CTBP2: variants seen among roughly 807,000 people sequenced by gnomAD.
CTBP2 encodes the protein C-terminal-binding protein 2.
Under a neutral mutation model 80.3 loss-of-function variants are expected in CTBP2, and 30 were observed. That is an observed-to-expected ratio of 0.37 (90% CI 0.28 to 0.51). The LOEUF (loss-of-function observed/expected upper bound fraction) is 0.51, where lower values mean the gene tolerates loss of function less well. Ranked by LOEUF, CTBP2 falls within the 20% of genes least tolerant of loss-of-function variation. The probability of loss-of-function intolerance (pLI) is 0.93; values close to 1 mark genes in which losing one functional copy is unlikely to be tolerated. For synonymous variants in CTBP2, 594 were observed against 587.4 expected (o/e 1.01, Z -0.16); for missense variants, 1,212 against 1,375.3 (o/e 0.88, Z 1.88).
At chr10:125,059,856 G>C (rs1230307739) in intron 2 of CTBP2, among the ~76,000 whole-genome samples, 1 of 152,118 alleles carries the variant, frequency 6.6e-6, no homozygotes, top group African/African-American at 2.4e-5. Flanking sequence ...GTCAGGAAGG[G>C]GCCTGTTTGG....
chr10:125,058,308 T>C (rs915612135), intron 2 of CTBP2, among the ~76,000 whole-genome samples: 1 of 152,098 alleles, frequency 6.6e-6, no homozygotes, highest in African/African-American at 2.4e-5. Flanking sequence ...CGTGATACGA[T>C]TGCACACACA....
At chr10:125,121,918 GT>G (rs1189909640) in intron 1 of CTBP2, among the ~76,000 whole-genome samples, 2 of 152,198 alleles carry the variant, frequency 1.3e-5, no homozygotes, top group African/African-American at 4.8e-5. Context: ...CTCGATGCAG[GT>G]GACGCAGCCT....
intron 2 of CTBP2, among the ~76,000 whole-genome samples, chr10:125,046,420 C>A (rs2135118347): frequency 6.6e-6 from 1 of 151,970 alleles, no homozygotes; most frequent in South Asian, 2.1e-4. Flanking sequence ...CGCCTGTAAT[C>A]CCAGCTACTG....
At chr10:125,109,139 G>A (rs1851902091) in intron 2 of CTBP2, among the ~76,000 whole-genome samples, 1 of 152,230 alleles carries the variant, frequency 6.6e-6, no homozygotes, top group Non-Finnish European at 1.5e-5. Context: ...TATTTAAAAA[G>A]TCCATTTCAT....
intron 3 of CTBP2, 120 bp from the exon 6 acceptor site, chr10:124,998,290 T>C: frequency 8.6e-7 from 1 of 1,161,670 alleles, no homozygotes. Context: ...GCCCACCTTA[T>C]CGTCTAGCAG....
chr10:124,985,113 G>A lies in CTBP2; in HGVS notation c.*4405C>T. 1.3e-6 allele frequency: 1 copy of A among 765,168 alleles called. No individual in the cohort carries two copies. The highest frequency in any genetic ancestry group is 2.1e-6 in the Non-Finnish European group (1 of 472,512). The allele number at this position is 765,168 out of a possible 1,614,324, so 47.4% of individuals were successfully genotyped here. On this transcript the variant is annotated 3_prime_UTR_variant, in exon 9 of 9. Transcript: ENST00000309035. ...ACCAAATCTGGCAGGATCTGCTCGG[G>A]GAAGTGTTTTCCTGGACCACACACA...
At chr10:125,044,508 T>G (rs1470303927) in intron 2 of CTBP2, among the ~76,000 whole-genome samples, 2 of 152,248 alleles carry the variant, frequency 1.3e-5, no homozygotes, top group African/African-American at 2.4e-5. Context: ...GAAGCCAAAC[T>G]TGTGCAACAG....
At chr10:125,127,406 C>T (rs1018297373) in intron 1 of CTBP2, among the ~76,000 whole-genome samples, 57 of 152,198 alleles carry the variant, frequency 3.7e-4, no homozygotes, top group Admixed American at 1.8e-3. Flanking sequence ...TAGCCGTGCA[C>T]GTCAGTTCCT....
chr10:125,147,064 C>T (rs1402421938), intron 1 of CTBP2, among the ~76,000 whole-genome samples: 1 of 152,206 alleles, frequency 6.6e-6, no homozygotes, highest in Non-Finnish European at 1.5e-5. Flanking sequence ...AGTCGACAGC[C>T]CTGGTCACTG....
At chr10:125,098,768 G>GAGAGAGAGAGAGAC (rs1850140334) in intron 2 of CTBP2, among the ~76,000 whole-genome samples, 2 of 138,458 alleles carry the variant, frequency 1.4e-5, no homozygotes, top group African/African-American at 5.6e-5. Context: ...GAGAGAGAGA[G>GAGAGAGAGAGAGAC]AGAGAGAGAG....
intron 1 of CTBP2, among the ~76,000 whole-genome samples, chr10:125,129,989 G>C (rs1004804235): frequency 3.9e-5 from 6 of 152,024 alleles, no homozygotes; most frequent in African/African-American, 1.2e-4. Context: ...TGGCTGTACA[G>C]GGCTTGGAAG....
rs746919711 is a variant in CTBP2 at position 125,026,296 on chromosome 10, C to T, written c.1464G>A (p.Met488Ile). The change falls in exon 1 of 9, where the codon ATG becomes ATA. Residue 488 changes from methionine (M) to isoleucine (I), a missense_variant. Around this residue, in one of 3 missense-constraint regions of CTBP2, gnomAD observed 848 missense variants for 782.3 expected, o/e 1.08. Transcript: ENST00000309035. ...CGTTGCGCTCCCTCTTTAGCAGCTC[C>T]ATGGGCACCGTGTATGCCGTGGAGT... is the stretch of plus-strand genomic sequence containing the variant. The T allele has an allele frequency of 6.2e-7, 1 of 1,613,926 alleles. No homozygotes were observed. The highest frequency in any genetic ancestry group is 8.5e-7 in the Non-Finnish European group (1 of 1,179,962).
intron 1 of CTBP2, among the ~76,000 whole-genome samples, chr10:125,155,167 A>T (rs1325095714): frequency 6.6e-6 from 1 of 152,222 alleles, no homozygotes; most frequent in African/African-American, 2.4e-5. Flanking sequence ...TCCAGAAAAG[A>T]CCACCTTCTA....
intron 2 of CTBP2, among the ~76,000 whole-genome samples, chr10:125,048,816 A>G (rs895381956): frequency 6.6e-6 from 1 of 152,198 alleles, no homozygotes; most frequent in Admixed American, 6.5e-5. Flanking sequence ...TTTCCATTAC[A>G]AATGACAGCC....
chr10:125,039,411 C>T (rs1277189963), intron 2 of CTBP2, among the ~76,000 whole-genome samples: 1 of 152,220 alleles, frequency 6.6e-6, no homozygotes, highest in East Asian at 1.9e-4. Flanking sequence ...CAGCAAATTC[C>T]AACAGATCTC....
At chr10:125,099,759 GTC>G (rs1194452953) in intron 2 of CTBP2, among the ~76,000 whole-genome samples, 3 of 152,198 alleles carry the variant, frequency 2.0e-5, no homozygotes, top group Non-Finnish European at 4.4e-5. Flanking sequence ...CAGGTCCACG[GTC>G]TCTTTCTCTG....
intron 8 of CTBP2, among the ~76,000 whole-genome samples, chr10:124,990,374 T>C (rs1173230958): frequency 6.6e-6 from 1 of 152,178 alleles, no homozygotes; most frequent in Non-Finnish European, 1.5e-5. Context: ...ATAGTTTATC[T>C]TCCCTATCCC....
At position 125,098,740 on chromosome 10, in the gene CTBP2, G is replaced by GAC. The variant is rs1564914503; in HGVS notation, c.-102+12249_-102+12250insGT. On this transcript the variant is annotated intron_variant, in intron 2 of 10. Transcript: ENST00000337195. ...AGAGAGAGACAGAGAGAGAGAGAGA[G>GAC]AGAGAGAGACAGAGAGAGAGAGAGA... 9.6e-5 allele frequency among the ~76,000 whole-genome samples: 11 copies of GAC among 114,838 alleles called. 1 individual carries two copies. The highest frequency in any genetic ancestry group is 2.6e-4 in the African/African-American group (7 of 27,188). The allele number at this position is 114,838 out of a possible 152,430, so 75.3% of individuals were successfully genotyped here.
At chr10:125,152,046 G>C (rs886720064) in intron 1 of CTBP2, among the ~76,000 whole-genome samples, 1 of 152,162 alleles carries the variant, frequency 6.6e-6, no homozygotes, top group African/African-American at 2.4e-5. Flanking sequence ...ACCGCGGCCC[G>C]CGGAGGGGCC....
Sources: gnomAD v4.1 joint callset for allele counts (sites outside exome capture counted in the v4.1 genomes callset) on GRCh38, gnomAD v4.1.1 for gene constraint, gnomAD v4.1.1 regional missense constraint, MANE v1.5 for transcripts, NCBI Gene and HGNC (gene_info 2026-07-23, HGNC 2026-07-21) for gene names.